The following OR56A3 variants were observed in gnomAD, a reference collection of about 807,000 sequenced individuals.
The protein encoded by OR56A3 is olfactory receptor family 56 subfamily A member 3, also known as olfactory receptor 56A3.
Under a neutral mutation model 17.5 loss-of-function variants are expected in OR56A3, and 23 were observed. The observed-to-expected ratio is 1.32, with a 90% confidence interval of 0.95 to 1.87. The LOEUF (loss-of-function observed/expected upper bound fraction) is 1.87. Among genes scored for constraint, OR56A3 ranks in the 40% most tolerant of loss-of-function variants. OR56A3 has a pLI of 0.00. For missense variants in OR56A3, 366 were observed against 380.1 expected (o/e 0.96, Z 0.31); for synonymous variants, 175 against 150.6 (o/e 1.16, Z -1.19).
At chr11:6,015,482 T>A in the OR56A3 span, among the ~76,000 whole-genome samples, 3 of 152,194 alleles carry the variant, frequency 2.0e-5, no homozygotes, top group Admixed American at 1.3e-4. Context: ...GCCACCATCC[T>A]CCAGATTCTG....
chr11:5,994,812 C>A, the OR56A3 span: 2 of 754,970 alleles, frequency 2.6e-6, no homozygotes, highest in South Asian at 2.7e-5. Context: ...CCCTTCCTCT[C>A]CAGGTGCTCC....
At chr11:5,963,391 T>A in the OR56A3 span, among the ~76,000 whole-genome samples, 1 of 152,164 alleles carries the variant, frequency 6.6e-6, no homozygotes, top group South Asian at 2.1e-4. Flanking sequence ...CAGCCCTTAT[T>A]TGTCTGGGAG....
the OR56A3 span, among the ~76,000 whole-genome samples, chr11:5,958,285 GAAC>G: frequency 6.6e-6 from 1 of 152,064 alleles, no homozygotes; most frequent in Non-Finnish European, 1.5e-5. Context: ...TGCAAACAAG[GAAC>G]AACTGAGGGT....
the OR56A3 span, among the ~76,000 whole-genome samples, chr11:5,985,136 C>T: frequency 2.0e-5 from 3 of 152,064 alleles, no homozygotes; most frequent in Non-Finnish European, 4.4e-5. Context: ...GCTATGTTTA[C>T]CAACACCGGG....
chr11:5,995,055 G>A, the OR56A3 span: 530 of 623,974 alleles, frequency 8.5e-4, 2 homozygotes, highest in African/African-American at 9.1e-3. Flanking sequence ...CGCCTGCATA[G>A]ACGCTGGCCG....
chr11:5,956,166 G>C (rs1847931092), downstream of OR56A3, among the ~76,000 whole-genome samples: 2 of 152,272 alleles, frequency 1.3e-5, no homozygotes, highest in African/African-American at 4.8e-5. Context: ...TCGAACAATT[G>C]TTGGCCAAAG....
the OR56A3 span, among the ~76,000 whole-genome samples, chr11:5,977,968 T>G: frequency 6.6e-6 from 1 of 152,214 alleles, no homozygotes; most frequent in Admixed American, 6.5e-5. Flanking sequence ...AGGGAAACTT[T>G]CCCCCATTGC....
the OR56A3 span, among the ~76,000 whole-genome samples, chr11:5,996,942 A>T: frequency 2.0e-5 from 3 of 152,238 alleles, no homozygotes; most frequent in East Asian, 5.8e-4. Flanking sequence ...AGAGCAAGGC[A>T]GGATGAGATG....
chr11:5,951,978 A>C (rs945177354), downstream of OR56A3, among the ~76,000 whole-genome samples: 4 of 152,248 alleles, frequency 2.6e-5, no homozygotes, highest in African/African-American at 9.6e-5. Context: ...TGTGATTAGC[A>C]TAAATCTCTT....
the OR56A3 span, chr11:6,001,856 T>A: frequency 1.9e-6 from 1 of 529,818 alleles, no homozygotes; most frequent in Non-Finnish European, 3.1e-6. Context: ...AAAAGGGAGG[T>A]TTCCTTTCAA....
chr11:6,012,326 C>T, the OR56A3 span, among the ~76,000 whole-genome samples: 1 of 152,238 alleles, frequency 6.6e-6, no homozygotes, highest in Non-Finnish European at 1.5e-5. Context: ...GACAGGGTAG[C>T]TCCTTTCTGC....
the OR56A3 span, chr11:6,002,432 C>A: frequency 6.2e-7 from 1 of 1,614,224 alleles, no homozygotes; most frequent in South Asian, 1.1e-5. Context: ...AGAGTTTGGA[C>A]ACAGACAGGT....
the OR56A3 span, among the ~76,000 whole-genome samples, chr11:5,993,419 C>G: frequency 6.6e-6 from 1 of 152,194 alleles, no homozygotes; most frequent in Non-Finnish European, 1.5e-5. Context: ...TTCTTTAACA[C>G]TCTGAGGAAG....
the OR56A3 span, among the ~76,000 whole-genome samples, chr11:5,973,276 A>G: frequency 6.6e-6 from 1 of 152,332 alleles, no homozygotes; most frequent in Non-Finnish European, 1.5e-5. Context: ...ATTACATTAT[A>G]GTATCAATAG....
intron 2 of OR56A3, among the ~76,000 whole-genome samples, chr11:5,946,016 A>G (rs1179320669): frequency 6.6e-6 from 1 of 152,226 alleles, no homozygotes; most frequent in Non-Finnish European, 1.5e-5. Context: ...CCCAGTAGAC[A>G]GAAATATGCA....
the OR56A3 span, among the ~76,000 whole-genome samples, chr11:6,010,324 A>G: frequency 6.6e-6 from 1 of 152,158 alleles, no homozygotes; most frequent in African/African-American, 2.4e-5. Flanking sequence ...ATACACTGCT[A>G]TGGTTTGAAT....
At chr11:5,984,862 G>A in the OR56A3 span, among the ~76,000 whole-genome samples, 1 of 152,178 alleles carries the variant, frequency 6.6e-6, no homozygotes, top group Non-Finnish European at 1.5e-5. Context: ...TTACATCAAA[G>A]TAGCAATGAC....
At chr11:5,995,094 G>C in the OR56A3 span, 1 of 595,172 alleles carries the variant, frequency 1.7e-6, no homozygotes, top group Non-Finnish European at 3.0e-6. Flanking sequence ...TGCCATAGCT[G>C]GGCGGCTGGA....
the OR56A3 span, among the ~76,000 whole-genome samples, chr11:5,980,734 G>A: frequency 6.6e-6 from 1 of 152,112 alleles, no homozygotes; most frequent in Non-Finnish European, 1.5e-5. Context: ...TTAGTTGGCT[G>A]TTATGTAGAC....
Sources: gnomAD v4.1 joint callset for allele counts (sites outside exome capture counted in the v4.1 genomes callset) on GRCh38, gnomAD v4.1.1 for gene constraint, MANE v1.5 for transcripts, NCBI Gene and HGNC (gene_info 2026-07-23, HGNC 2026-07-21) for gene names.